The following TRIM75 variants were observed in gnomAD, a reference collection of about 807,000 sequenced individuals.
TRIM75 encodes the protein tripartite motif-containing protein 75.
chr4:165,060,507 C>T, the TRIM75 span: 101 of 778,064 alleles, frequency 1.3e-4, no homozygotes, highest in East Asian at 2.2e-3. Context: ...CTATGTAGGA[C>T]CAGATTCACA....
the TRIM75 span, chr4:165,059,617 A>G: frequency 1.3e-6 from 1 of 780,788 alleles, no homozygotes; most frequent in African/African-American, 1.7e-5. Context: ...CAATTGGCAG[A>G]CCTCCAAAAA....
At chr4:165,056,396 G>A in the TRIM75 span, among the ~76,000 whole-genome samples, 8 of 151,748 alleles carry the variant, frequency 5.3e-5, no homozygotes, top group East Asian at 1.5e-3. Context: ...AGAAAGGTCT[G>A]TCTTCAGGAC....
the TRIM75 span, among the ~76,000 whole-genome samples, chr4:165,054,611 G>A: frequency 7.9e-5 from 12 of 152,126 alleles, no homozygotes; most frequent in African/African-American, 2.9e-4. Flanking sequence ...TGTTGGCCAG[G>A]TTGGTCTCGA....
chr4:165,059,682 C>A, the TRIM75 span: 202 of 780,726 alleles, frequency 2.6e-4, 1 homozygote, highest in South Asian at 2.7e-3. Context: ...GGTGGAAAAC[C>A]AAAGGCAGGA....
At chr4:165,060,465 GAC>G in the TRIM75 span, 1 of 780,396 alleles carries the variant, frequency 1.3e-6, no homozygotes, top group East Asian at 2.4e-5. Context: ...TACTTTCACT[GAC>G]ACTTTTACTG....
chr4:165,057,052 C>T, the TRIM75 span, among the ~76,000 whole-genome samples: 1 of 152,124 alleles, frequency 6.6e-6, no homozygotes, highest in Non-Finnish European at 1.5e-5. Flanking sequence ...CTAGGATATA[C>T]TGTGTGCATC....
the TRIM75 span, among the ~76,000 whole-genome samples, chr4:165,057,576 C>G: frequency 5.9e-5 from 9 of 152,232 alleles, no homozygotes; most frequent in South Asian, 1.7e-3. Context: ...TCTAGTCACC[C>G]AGGCTGGAGT....
At chr4:165,059,497 C>T in the TRIM75 span, 13 of 780,760 alleles carry the variant, frequency 1.7e-5, no homozygotes, top group Admixed American at 5.1e-5. Context: ...GTGTTGTGTC[C>T]GCTGTGCACT....
the TRIM75 span, among the ~76,000 whole-genome samples, chr4:165,055,979 G>A: frequency 6.8e-6 from 1 of 146,798 alleles, no homozygotes; most frequent in Non-Finnish European, 1.5e-5. Flanking sequence ...GAAGTGGTGC[G>A]ATCTCAGCTC....
At chr4:165,056,978 T>G in the TRIM75 span, among the ~76,000 whole-genome samples, 2 of 152,184 alleles carry the variant, frequency 1.3e-5, no homozygotes, top group Middle Eastern at 3.4e-3. Flanking sequence ...GGGAAAGAGA[T>G]GATAGCTGTG....
chr4:165,056,608 T>C, the TRIM75 span, among the ~76,000 whole-genome samples: 6 of 94,486 alleles, frequency 6.4e-5, no homozygotes, highest in African/African-American at 3.6e-4. Flanking sequence ...GTCTCTTTTT[T>C]TTTTTTTTTT....
the TRIM75 span, among the ~76,000 whole-genome samples, chr4:165,054,716 A>T: frequency 6.6e-6 from 1 of 152,120 alleles, no homozygotes; most frequent in African/African-American, 2.4e-5. Flanking sequence ...GTTATTTTAA[A>T]ACGCACGCCA....
the TRIM75 span, among the ~76,000 whole-genome samples, chr4:165,056,976 G>C: frequency 5.9e-5 from 9 of 152,134 alleles, no homozygotes; most frequent in Non-Finnish European, 1.0e-4. Context: ...AAGGGAAAGA[G>C]ATGATAGCTG....
the TRIM75 span, among the ~76,000 whole-genome samples, chr4:165,057,006 G>A: frequency 3.9e-5 from 6 of 152,180 alleles, no homozygotes; most frequent in Non-Finnish European, 8.8e-5. Context: ...TGAAAAATAG[G>A]TGGAAGGAGT....
the TRIM75 span, among the ~76,000 whole-genome samples, chr4:165,055,917 CTCT>C: frequency 4.2e-5 from 5 of 118,332 alleles, no homozygotes; most frequent in Admixed American, 3.5e-4. Flanking sequence ...CGCTGTCTCT[CTCT>C]CCCTTTTTTT....
chr4:165,057,879 G>C, the TRIM75 span, among the ~76,000 whole-genome samples: 1 of 152,246 alleles, frequency 6.6e-6, no homozygotes, highest in African/African-American at 2.4e-5. Context: ...CTACATAACT[G>C]TTGCTTCTAT....
At chr4:165,055,808 C>T in the TRIM75 span, among the ~76,000 whole-genome samples, 16 of 150,164 alleles carry the variant, frequency 1.1e-4, no homozygotes, top group African/African-American at 2.2e-4. Flanking sequence ...GTATGCTAGG[C>T]GTGGTGGTTC....
At chr4:165,056,504 T>C in the TRIM75 span, among the ~76,000 whole-genome samples, 1 of 151,924 alleles carries the variant, frequency 6.6e-6, no homozygotes, top group Admixed American at 6.6e-5. Context: ...ACCACAGGGA[T>C]TGATAATAGA....
the TRIM75 span, among the ~76,000 whole-genome samples, chr4:165,055,531 C>A: frequency 1.3e-5 from 2 of 151,998 alleles, no homozygotes; most frequent in Admixed American, 1.3e-4. Context: ...GATCCACCCA[C>A]CTTGGCCTCC....
Sources: allele counts gnomAD v4.1 joint callset (sites outside exome capture counted in the v4.1 genomes callset), GRCh38; gene constraint gnomAD v4.1.1; transcripts MANE v1.5; gene names NCBI Gene and HGNC (gene_info 2026-07-23, HGNC 2026-07-21).